Variants in TMEM135 observed in about 807,000 individuals in gnomAD.
TMEM135 encodes the protein peroxisomal membrane protein 52.
TMEM135 carries 30 observed loss-of-function variants against 60.3 expected under a neutral mutation model. The observed-to-expected ratio is 0.50, with a 90% CI of 0.37 to 0.68. The LOEUF (loss-of-function observed/expected upper bound fraction) is 0.68, where lower values mean the gene tolerates loss of function less well. Ranked by LOEUF, TMEM135 falls within the 30% of genes least tolerant of loss-of-function variation. TMEM135 has a pLI of 0.00. For missense variants in TMEM135, 468 were observed against 548.8 expected (o/e 0.85, Z 1.47); for synonymous variants, 190 against 186.7 (o/e 1.02, Z -0.14).
At position 87,214,564 on chromosome 11, in the gene TMEM135, C is replaced by CTT. The variant is rs201376652; in HGVS notation, c.463-22063_463-22062dup. 4.6e-3 allele frequency among the ~76,000 whole-genome samples: 680 copies of CTT among 146,292 alleles called. 3 individuals are homozygous for CTT. The highest frequency in any genetic ancestry group is 7.5e-3 in the Non-Finnish European group (500 of 66,254). On this transcript the variant is annotated intron_variant, in intron 5 of 14. Transcript: ENST00000305494. ...CCTATGTAGACCAGACTCTGTAACA[C>CTT]TTTTTTTTTTTTGTATTTTCTTTTG...
intron 7 of TMEM135, among the ~76,000 whole-genome samples, chr11:87,299,247 C>T (rs1942403440): frequency 6.6e-6 from 1 of 152,160 alleles, no homozygotes; most frequent in Admixed American, 6.5e-5. Context: ...ACTCACAGTT[C>T]CTTATGGCTA....
chr11:87,308,414 C>G (rs1942587302), intron 9 of TMEM135, among the ~76,000 whole-genome samples: 1 of 152,140 alleles, frequency 6.6e-6, no homozygotes, highest in South Asian at 2.1e-4. Context: ...TGAGAATTCA[C>G]AGTAATTGAT....
intron 4 of TMEM135, among the ~76,000 whole-genome samples, chr11:87,136,476 A>G (rs1938103880): frequency 6.6e-6 from 1 of 152,036 alleles, no homozygotes; most frequent in African/African-American, 2.4e-5. Context: ...TAATGTCTGC[A>G]TTTAGTTTTG....
intron 1 of TMEM135, among the ~76,000 whole-genome samples, chr11:87,061,337 G>A (rs958793217): frequency 6.6e-6 from 1 of 152,154 alleles, no homozygotes; most frequent in African/African-American, 2.4e-5. Flanking sequence ...TTAGAAAGTA[G>A]AGGGCAGGGA....
At chr11:87,192,102 C>G (rs149808119) in intron 5 of TMEM135, among the ~76,000 whole-genome samples, 4,373 of 150,036 alleles carry the variant, frequency 0.029, 199 homozygotes, top group African/African-American at 0.098. Context: ...CTGCCTCAGC[C>G]TCCCGAGTAG....
intron 5 of TMEM135, among the ~76,000 whole-genome samples, chr11:87,196,393 A>C (rs1939958310): frequency 6.6e-6 from 1 of 152,136 alleles, no homozygotes; most frequent in Admixed American, 6.5e-5. Context: ...AAAAATTTCT[A>C]AGAAATTAAC....
intron 14 of TMEM135, among the ~76,000 whole-genome samples, chr11:87,320,036 G>A (rs1052912442): frequency 2.0e-5 from 3 of 152,078 alleles, no homozygotes; most frequent in East Asian, 1.9e-4. Context: ...TTATAGTAGC[G>A]CTGGGTAAAT....
rs1227570255 is a variant in TMEM135, at chr11:87,157,338, C to G, written c.397-3C>G. 1.2e-6 allele frequency: 2 copies of G among 1,607,024 alleles called. No individual in the cohort carries two copies. Among genetic ancestry groups the G allele is most frequent in the Non-Finnish European group, 1.7e-6 (2 of 1,175,984 alleles). On this transcript the variant is annotated splice_polypyrimidine_tract_variant and splice_region_variant and intron_variant, in intron 4 of 14. Transcript: ENST00000305494. ...TTTGCTGTTTTTTTTTTTTAATTTA[C>G]AGGCCACAGAAACACTATTCAGAAT...
At chr11:87,079,774 T>G (rs1180866823) in intron 3 of TMEM135, among the ~76,000 whole-genome samples, 1 of 151,956 alleles carries the variant, frequency 6.6e-6, no homozygotes, top group Non-Finnish European at 1.5e-5. Flanking sequence ...GATGTAATAT[T>G]TTGTTATATG....
chr11:87,230,627 A>G (rs1458033233), intron 5 of TMEM135, among the ~76,000 whole-genome samples: 1 of 152,102 alleles, frequency 6.6e-6, no homozygotes, highest in Non-Finnish European at 1.5e-5. Flanking sequence ...ATATATGTGC[A>G]GATGTATACT....
intron 3 of TMEM135, among the ~76,000 whole-genome samples, chr11:87,081,977 T>G (rs1027800408): frequency 6.6e-6 from 1 of 152,226 alleles, no homozygotes; most frequent in Non-Finnish European, 1.5e-5. Context: ...ATTTAGTTCT[T>G]TTGTTTATTA....
chr11:87,268,179 T>TTTTCTTTTCTTTTCTTTTCTTTTC (rs1941789903), intron 6 of TMEM135, among the ~76,000 whole-genome samples: 2 of 148,712 alleles, frequency 1.3e-5, no homozygotes, highest in Admixed American at 6.8e-5. Flanking sequence ...CTTTCTTTTC[T>TTTTCTTTTCTTTTCTTTTCTTTTC]TTTCTTTCTT....
intron 10 of TMEM135, among the ~76,000 whole-genome samples, chr11:87,312,456 G>A (rs181662069): frequency 1.4e-3 from 206 of 151,588 alleles, no homozygotes; most frequent in African/African-American, 4.8e-3. Flanking sequence ...TATACTCCAC[G>A]ATATGTTGTT....
chr11:87,125,290 A>C (rs1937692336), intron 4 of TMEM135, among the ~76,000 whole-genome samples: 1 of 152,232 alleles, frequency 6.6e-6, no homozygotes, highest in Admixed American at 6.5e-5. Flanking sequence ...CCAATAAGTA[A>C]ATAAATTAAA....
At chr11:87,305,624 A>C (rs1942525559) in intron 8 of TMEM135, among the ~76,000 whole-genome samples, 1 of 151,986 alleles carries the variant, frequency 6.6e-6, no homozygotes, top group South Asian at 2.1e-4. Flanking sequence ...AAATACAAAA[A>C]TTAGCTGGGC....
intron 5 of TMEM135, among the ~76,000 whole-genome samples, chr11:87,177,579 T>C (rs1190222470): frequency 6.6e-6 from 1 of 152,210 alleles, no homozygotes; most frequent in African/African-American, 2.4e-5. Context: ...TAATCAAATC[T>C]AGTTTTTGAA....
At chr11:87,069,021 C>T (rs956159245) in intron 2 of TMEM135, among the ~76,000 whole-genome samples, 11 of 149,316 alleles carry the variant, frequency 7.4e-5, no homozygotes, top group Admixed American at 2.0e-4. Context: ...GTTTCTATGA[C>T]GGCCGGGCGC....
chr11:87,205,272 A>G (rs986222934), intron 5 of TMEM135, among the ~76,000 whole-genome samples: 1 of 152,214 alleles, frequency 6.6e-6, no homozygotes, highest in Admixed American at 6.5e-5. Context: ...TTCTGAGATT[A>G]GATTAGATAG....
chr11:87,162,597 C>A (rs541545232), intron 5 of TMEM135, among the ~76,000 whole-genome samples: 6 of 152,180 alleles, frequency 3.9e-5, no homozygotes, highest in Non-Finnish European at 7.3e-5. Flanking sequence ...GTATGTGCCA[C>A]ATTTTCTTTA....
Sources: gnomAD v4.1 joint callset for allele counts (sites outside exome capture counted in the v4.1 genomes callset) on GRCh38, gnomAD v4.1.1 for gene constraint, MANE v1.5 for transcripts, NCBI Gene and HGNC (gene_info 2026-07-23, HGNC 2026-07-21) for gene names.